The following PPM1H variants were observed in gnomAD, a reference collection of about 807,000 sequenced individuals.
PPM1H encodes the protein protein phosphatase 1H.
A neutral mutation model predicts 54.9 loss-of-function variants in PPM1H; 27 were observed. That is an observed-to-expected ratio of 0.49 (90% CI 0.36 to 0.68). The LOEUF (loss-of-function observed/expected upper bound fraction) is 0.68, where lower values mean the gene tolerates loss of function less well. PPM1H is among the 30% of genes least tolerant of loss of function. PPM1H has a pLI of 0.00. For missense variants in PPM1H, 596 were observed against 667.8 expected, an observed-to-expected ratio of 0.89 and a Z score of 1.19; for synonymous variants, 305 against 270.8, an observed-to-expected ratio of 1.13 and a Z score of -1.24.
intron 9 of PPM1H, among the ~76,000 whole-genome samples, chr12:62,648,966 C>G (rs374593281): frequency 9.9e-5 from 15 of 152,208 alleles, no homozygotes; most frequent in African/African-American, 3.6e-4. Context: ...TGCTCAAGCT[C>G]AGAGCTTTCC....
At chr12:62,795,569 C>T (rs1288460869) in intron 3 of PPM1H, among the ~76,000 whole-genome samples, 2 of 152,052 alleles carry the variant, frequency 1.3e-5, no homozygotes, top group Admixed American at 6.5e-5. Context: ...GCCTCAGGCT[C>T]CCGAGTAGCT....
intron 4 of PPM1H, among the ~76,000 whole-genome samples, chr12:62,779,324 G>A (rs2120674438): frequency 6.6e-6 from 1 of 152,314 alleles, no homozygotes; most frequent in South Asian, 2.1e-4. Flanking sequence ...TGGGATTACA[G>A]GCGTGAGCCA....
At chr12:62,832,038 C>T in intron 2 of PPM1H, 76 bp downstream of exon 2, 3 of 1,511,096 alleles carry the variant, frequency 2.0e-6, no homozygotes, top group Non-Finnish European at 2.7e-6. Flanking sequence ...TTAGGTGAAG[C>T]CCTAATGTCT....
intron 9 of PPM1H, among the ~76,000 whole-genome samples, chr12:62,653,999 T>C (rs2075829820): frequency 6.6e-6 from 1 of 151,894 alleles, no homozygotes; most frequent in African/African-American, 2.4e-5. Context: ...CCTAGCACTC[T>C]GGGAGGTCAA....
chr12:62,689,922 T>C, intron 7 of PPM1H, 116 bp from the exon 8 acceptor site: 1 of 658,900 alleles, frequency 1.5e-6, no homozygotes, highest in Non-Finnish European at 2.6e-6. Flanking sequence ...CCTGCCCAGA[T>C]ATGTTTCCAG....
At chr12:62,671,859 C>T (rs1262560673) in intron 8 of PPM1H, among the ~76,000 whole-genome samples, 1 of 152,198 alleles carries the variant, frequency 6.6e-6, no homozygotes, top group Non-Finnish European at 1.5e-5. Context: ...GAGAAGCCAT[C>T]TTTCTTTTCC....
intron 8 of PPM1H, among the ~76,000 whole-genome samples, chr12:62,682,884 C>T (rs1294623283): frequency 1.3e-5 from 2 of 151,140 alleles, no homozygotes; most frequent in Non-Finnish European, 2.9e-5. Context: ...TGCAGTGGCA[C>T]AATCATGGCT....
chr12:62,925,497 G>C (rs1256343641), intron 1 of PPM1H, among the ~76,000 whole-genome samples: 3 of 152,216 alleles, frequency 2.0e-5, no homozygotes, highest in Non-Finnish European at 4.4e-5. Context: ...AGAATTGCTG[G>C]AACTGGGGAG....
chr12:62,893,975 G>A (rs1870891583), intron 1 of PPM1H, among the ~76,000 whole-genome samples: 1 of 152,154 alleles, frequency 6.6e-6, no homozygotes, highest in Non-Finnish European at 1.5e-5. Flanking sequence ...CAGGTGGAGA[G>A]AGAGGCTCAG....
intron 1 of PPM1H, among the ~76,000 whole-genome samples, chr12:62,902,159 G>A (rs1171873961): frequency 2.0e-5 from 3 of 151,826 alleles, no homozygotes; most frequent in African/African-American, 4.8e-5. Context: ...TCAGGAGTTC[G>A]AGACCAGCCT....
intron 6 of PPM1H, among the ~76,000 whole-genome samples, chr12:62,707,508 A>G (rs2076182373): frequency 6.6e-6 from 1 of 152,204 alleles, no homozygotes; most frequent in Non-Finnish European, 1.5e-5. Context: ...ATTCATATCC[A>G]TTGTAACAAA....
chr12:62,841,807 A>C (rs1868761481), intron 1 of PPM1H, among the ~76,000 whole-genome samples: 1 of 152,202 alleles, frequency 6.6e-6, no homozygotes, highest in Non-Finnish European at 1.5e-5. Flanking sequence ...GAGAATGAAA[A>C]AACAAACAAT....
chr12:62,805,389 T>C (rs1248041729), intron 2 of PPM1H, among the ~76,000 whole-genome samples: 2 of 152,214 alleles, frequency 1.3e-5, no homozygotes, highest in African/African-American at 4.8e-5. Flanking sequence ...TCAGTATCTA[T>C]AGCCCAACGT....
Position 62,666,439 on chromosome 12 carries a change from C to T in PPM1H, c.1397+739G>A, listed in dbSNP as rs138635000. On this transcript the variant is annotated intron_variant, in intron 9 of 9. Coordinates refer to ENST00000228705, the MANE Select transcript of PPM1H (RefSeq NM_020700.2). Reference sequence around the variant, plus strand: ...TTAGGTTATTTACACTGCTGCTAGACTGTAAGAAATACTTAACTTGGATCT... The same window carrying T: ...TTAGGTTATTTACACTGCTGCTAGATTGTAAGAAATACTTAACTTGGATCT... Among the ~76,000 whole-genome samples the T allele has an allele frequency of 8.7e-4, 133 of 152,272 alleles. 1 individual carries two copies. Among genetic ancestry groups the T allele is most frequent in the African/African-American group, 3.0e-3 (124 of 41,556 alleles).
intron 4 of PPM1H, among the ~76,000 whole-genome samples, chr12:62,786,431 C>T (rs1055962609): frequency 2.0e-5 from 3 of 152,226 alleles, no homozygotes; most frequent in African/African-American, 4.8e-5. Context: ...GCAGGCTGAC[C>T]TCCCTGGGCC....
intron 2 of PPM1H, among the ~76,000 whole-genome samples, chr12:62,829,609 C>G (rs1049036363): frequency 1.8e-4 from 27 of 152,184 alleles, no homozygotes; most frequent in African/African-American, 6.0e-4. Flanking sequence ...CTGCTGTGGT[C>G]GGAGCAGGAC....
chr12:62,727,786 G>A (rs1200950104), intron 5 of PPM1H, among the ~76,000 whole-genome samples: 3 of 151,586 alleles, frequency 2.0e-5, no homozygotes, highest in Admixed American at 2.0e-4. Context: ...TCAGCCTCCT[G>A]AGTAGCTGGG....
intron 1 of PPM1H, among the ~76,000 whole-genome samples, chr12:62,878,064 AT>A (rs962258174): frequency 6.6e-6 from 1 of 151,946 alleles, no homozygotes; most frequent in Non-Finnish European, 1.5e-5. Flanking sequence ...CGCCCGGCTA[AT>A]TTTTTGTATT....
At chr12:62,838,337 G>A (rs931839909) in intron 1 of PPM1H, among the ~76,000 whole-genome samples, 1 of 105,140 alleles carries the variant, frequency 9.5e-6, no homozygotes, top group Non-Finnish European at 1.9e-5. Flanking sequence ...GTGTGTGTGT[G>A]TGGGGGGGGG....
Sources: allele counts gnomAD v4.1 joint callset (sites outside exome capture counted in the v4.1 genomes callset), GRCh38; gene constraint gnomAD v4.1.1; transcripts MANE v1.5; gene names NCBI Gene and HGNC (gene_info 2026-07-23, HGNC 2026-07-21).